Variants in RAB12 observed in about 807,000 individuals in gnomAD.
RAB12 encodes the protein ras-related protein Rab-12.
RAB12 carries 11 observed loss-of-function variants against 28.4 expected under a neutral mutation model. The observed-to-expected ratio is 0.39, with a 90% CI of 0.24 to 0.64. The LOEUF (loss-of-function observed/expected upper bound fraction) is 0.64, where lower values mean the gene tolerates loss of function less well. Among genes scored for constraint, RAB12 ranks in the 30% least tolerant of loss-of-function variants. The pLI, the probability that RAB12 is intolerant of heterozygous loss-of-function variation, is 0.50. For synonymous variants in RAB12, 138 were observed against 145.3 expected, an observed-to-expected ratio of 0.95 and a Z score of 0.36; for missense variants, 276 against 351.1, an observed-to-expected ratio of 0.79 and a Z score of 1.71.
Position 8,635,516 on chromosome 18 carries a change from C to A in RAB12, c.715-17C>A. The stretch of plus-strand genomic sequence containing the variant: ...GATGCCCATCTTTGAAATGTGGCTT[C>A]TTTTAAAATTCCACAGTATGCTTCA... On this transcript the variant is annotated splice_polypyrimidine_tract_variant and intron_variant, in intron 3 of 5. Transcript: ENST00000649141. 6.3e-7 allele frequency: 1 copy of A among 1,589,972 alleles called. No individual in the cohort carries two copies. The highest frequency in any genetic ancestry group is 8.6e-7 in the Non-Finnish European group (1 of 1,160,922).
chr18:8,635,831 G>GTA (rs1598314633), intron 4 of RAB12: 1 of 505,770 alleles, frequency 2.0e-6, no homozygotes, highest in Non-Finnish European at 3.5e-6. Context: ...ACACATCAGT[G>GTA]TATACAACAT....
intron 1 of RAB12, among the ~76,000 whole-genome samples, chr18:8,623,249 C>T (rs554611050): frequency 5.3e-5 from 8 of 152,314 alleles, no homozygotes; most frequent in South Asian, 4.1e-4. Context: ...GCAGTAAAGA[C>T]AGGCATAAGA....
At chr18:8,630,553 C>G (rs982521224) in intron 2 of RAB12, among the ~76,000 whole-genome samples, 5 of 152,162 alleles carry the variant, frequency 3.3e-5, no homozygotes, top group Non-Finnish European at 1.5e-5. Context: ...ATGGCCAGCA[C>G]CAGCCTTTCA....
At chr18:8,636,782 A>G (rs2096019215) in intron 5 of RAB12, among the ~76,000 whole-genome samples, 1 of 152,144 alleles carries the variant, frequency 6.6e-6, no homozygotes, top group South Asian at 2.1e-4. Flanking sequence ...CCCTGGTGGG[A>G]GCCACTTCCT....
intron 2 of RAB12, among the ~76,000 whole-genome samples, chr18:8,630,065 A>T (rs2096015055): frequency 6.6e-6 from 1 of 152,260 alleles, no homozygotes; most frequent in African/African-American, 2.4e-5. Context: ...AATATAAGAT[A>T]TAAACCAAAA....
chr18:8,636,161 C>A, intron 4 of RAB12, 92 bp from the exon 5 acceptor site: 1 of 806,956 alleles, frequency 1.2e-6, no homozygotes, highest in Non-Finnish European at 2.2e-6. Flanking sequence ...TTAATCCCAG[C>A]CCTTCCCTTG....
At position 8,609,658 on chromosome 18, in the gene RAB12, G is replaced by A. The variant is rs1220033256; in HGVS notation, c.219G>A (p.Pro73=). 2.4e-5 allele frequency: 20 copies of A among 835,712 alleles called. No homozygotes were observed. The South Asian group carries it at 6.3e-4, about 26-fold the overall frequency. The allele number at this position is 835,712 out of a possible 1,614,324, so 51.8% of individuals were successfully genotyped here. The part of the protein sequence containing the change: ...PPRAAEAEGA[P]GPGARSRGAG... ...GCGCGGCGGAGGCCGAGGGGGCGCC[G>A]GGGCCCGGGGCGCGCAGCCGGGGGG... The change falls in exon 1 of 6, where the codon CCG becomes CCA. Residue 73 remains proline (P), a synonymous_variant. Coordinates refer to ENST00000649141, the MANE Select transcript of RAB12 (RefSeq NM_001025300.3).
At chr18:8,635,491 G>A (rs747257646) in intron 3 of RAB12, 42 bp from the exon 4 acceptor site, 15 of 1,405,918 alleles carry the variant, frequency 1.1e-5, no homozygotes, top group South Asian at 2.4e-5. Flanking sequence ...AGTATATGGC[G>A]ATGCCCATCT....
At chr18:8,610,483 C>G (rs1172693188) in intron 1 of RAB12, among the ~76,000 whole-genome samples, 1 of 152,222 alleles carries the variant, frequency 6.6e-6, no homozygotes, top group Admixed American at 6.5e-5. Context: ...GCTAGCCGTA[C>G]GTACGGGGCA....
At chr18:8,609,988 C>T (rs1240474723) in intron 1 of RAB12, 35 bp downstream of exon 1, 2 of 1,546,758 alleles carry the variant, frequency 1.3e-6, no homozygotes, top group East Asian at 2.3e-5. Context: ...GCCGGGCCTC[C>T]TGGCGCCCGG....
rs1256355619 is a variant in RAB12 at position 8,609,688 on chromosome 18, CGGCGGCG to C, written c.260_266del (p.Arg87ProfsTer66). 8.5e-6 allele frequency: 8 copies of C among 936,216 alleles called. No individual in the cohort carries two copies. The highest frequency in any genetic ancestry group is 1.0e-5 in the Non-Finnish European group (8 of 787,314). 58.0% of individuals were successfully genotyped at this position (936,216 alleles called of 1,614,324 possible). A position where few individuals can be genotyped will look rare whatever the true frequency, so the allele number is the denominator to read the frequency against. Reference sequence around the variant, plus strand: ...CCGGGGCGCGCAGCCGGGGGGCGGGCGGCGGCGGGCGGCGGGCCGAGCGGGAGCCGCA... The same window carrying C: ...CCGGGGCGCGCAGCCGGGGGGCGGGCGGCGGCGGGCCGAGCGGGAGCCGCA... On this transcript the variant is annotated frameshift_variant, in exon 1 of 6. Coordinates refer to ENST00000649141, the MANE Select transcript of RAB12 (RefSeq NM_001025300.3). LOFTEE classifies it high-confidence loss of function.
chr18:8,636,359 TAAAA>T lies in RAB12; in HGVS notation c.909+7_909+10del. The T allele has an allele frequency of 6.5e-7, 1 of 1,536,282 alleles. No individual in the cohort carries two copies. The highest frequency in any genetic ancestry group is 8.9e-7 in the Non-Finnish European group (1 of 1,117,900). On this transcript the variant is annotated splice_donor_5th_base_variant and intron_variant, in intron 5 of 5. Transcript: ENST00000649141. ...CTTGTCGATGACATTCTGAAAAAGGTAAAAAAAAGAATCTACATTATAAAAGTAT... is the reference window on the plus strand; with the variant it reads ...CTTGTCGATGACATTCTGAAAAAGGTAAAAGAATCTACATTATAAAAGTAT...
intron 1 of RAB12, among the ~76,000 whole-genome samples, chr18:8,620,572 A>G (rs2096009357): frequency 6.6e-6 from 1 of 151,368 alleles, no homozygotes; most frequent in Non-Finnish European, 1.5e-5. Flanking sequence ...TTTTTTTTTA[A>G]CTAATCAGTC....
intron 2 of RAB12, among the ~76,000 whole-genome samples, chr18:8,627,933 A>G (rs2096013757): frequency 6.6e-6 from 1 of 152,218 alleles, no homozygotes. Flanking sequence ...TAAATACAGC[A>G]AATAAGAGGC....
intron 1 of RAB12, among the ~76,000 whole-genome samples, chr18:8,619,563 G>A (rs1018126727): frequency 6.6e-6 from 1 of 152,196 alleles, no homozygotes; most frequent in Non-Finnish European, 1.5e-5. Context: ...AGCCACTTCA[G>A]AACATCTCAC....
intron 1 of RAB12, among the ~76,000 whole-genome samples, chr18:8,613,693 C>T (rs1443540045): frequency 2.0e-5 from 3 of 152,180 alleles, no homozygotes; most frequent in Non-Finnish European, 4.4e-5. Flanking sequence ...CCTACCCCCG[C>T]CCTTGCTCCA....
In RAB12 at chr18:8,638,490, A is replaced by G. The variant is rs1041043901; in HGVS notation, c.*228A>G. 24 of 465,390 alleles carry G rather than the reference A, an allele frequency of 5.2e-5. No homozygotes were observed. Among genetic ancestry groups the G allele is most frequent in the Non-Finnish European group, 8.9e-5 (23 of 258,124 alleles). The allele number at this position is 465,390 out of a possible 1,614,324, so 28.8% of individuals were successfully genotyped here. A position where few individuals can be genotyped will look rare whatever the true frequency, so the allele number is the denominator to read the frequency against. ...CATTCATTACCCCAGTGTCTAGTGTACATACACTGGGAAACCTAGTACTTC... is the reference window on the plus strand; with the variant it reads ...CATTCATTACCCCAGTGTCTAGTGTGCATACACTGGGAAACCTAGTACTTC... On this transcript the variant is annotated 3_prime_UTR_variant, in exon 6 of 6. Coordinates refer to ENST00000649141, the MANE Select transcript of RAB12 (RefSeq NM_001025300.3).
rs1433265517 is a variant in RAB12 at position 8,609,669 on chromosome 18, C to A, written c.230C>A (p.Ala77Glu). The change falls in exon 1 of 6, where the codon GCG becomes GAG. Residue 77 changes from alanine (A) to glutamate (E), a missense_variant. Physicochemically the swap from Ala to Glu is moderately radical, Grantham distance 107. Transcript: ENST00000649141. ...GCCGAGGGGGCGCCGGGGCCCGGGG[C>A]GCGCAGCCGGGGGGCGGGCGGCGGC... Reference protein sequence around the residue: ...AEAEGAPGPGARSRGAGGGGR... With the variant: ...AEAEGAPGPGERSRGAGGGGR... 3 of 886,000 alleles carry A rather than the reference C, an allele frequency of 3.4e-6. No individual in the cohort carries two copies. Among genetic ancestry groups the A allele is most frequent in the East Asian group, 1.2e-4 (1 of 8,074 alleles). 54.9% of individuals were successfully genotyped at this position (886,000 alleles called of 1,614,324 possible). A position where few individuals can be genotyped will look rare whatever the true frequency, so the allele number is the denominator to read the frequency against.
intron 1 of RAB12, among the ~76,000 whole-genome samples, chr18:8,614,936 A>G (rs968372216): frequency 2.0e-5 from 3 of 152,130 alleles, no homozygotes; most frequent in Admixed American, 6.5e-5. Context: ...AGTGCTCTAA[A>G]CTTCACAGCC....
Sources: allele counts gnomAD v4.1 joint callset (sites outside exome capture counted in the v4.1 genomes callset), GRCh38; gene constraint gnomAD v4.1.1; transcripts MANE v1.5; gene names NCBI Gene and HGNC (gene_info 2026-07-23, HGNC 2026-07-21).